The following GRM5 variants were observed in gnomAD, a reference collection of about 807,000 sequenced individuals.
The protein encoded by GRM5 is glutamate metabotropic receptor 5, also known as metabotropic glutamate receptor 5.
A neutral mutation model predicts 83.1 loss-of-function variants in GRM5; 19 were observed. The ratio of observed to expected loss-of-function variants is 0.23; its 90% CI spans 0.16 to 0.34. The LOEUF (loss-of-function observed/expected upper bound fraction) is 0.34, where lower values mean the gene tolerates loss of function less well. GRM5 is among the 10% of genes least tolerant of loss of function. The pLI is 1.00. For synonymous variants in GRM5, 675 were observed against 633.6 expected (o/e 1.07, Z -0.98); for missense variants, 1,160 against 1,588.3 (o/e 0.73, Z 4.58).
At chr11:89,009,500 C>T (rs1940622293) in intron 2 of GRM5, among the ~76,000 whole-genome samples, 1 of 152,072 alleles carries the variant, frequency 6.6e-6, no homozygotes, top group Admixed American at 6.6e-5. Flanking sequence ...CACATATTGG[C>T]CATTATATTC....
At chr11:88,770,853 C>T (rs939543534) in intron 3 of GRM5, among the ~76,000 whole-genome samples, 1 of 152,022 alleles carries the variant, frequency 6.6e-6, no homozygotes, top group African/African-American at 2.4e-5. Flanking sequence ...ATAATGTATT[C>T]GGTTTGAAAC....
intron 2 of GRM5, among the ~76,000 whole-genome samples, chr11:88,958,397 G>A (rs1938689146): frequency 1.3e-5 from 2 of 151,348 alleles, no homozygotes; most frequent in South Asian, 4.2e-4. Flanking sequence ...TCAATTTTTT[G>A]AAACATAAAA....
intron 2 of GRM5, among the ~76,000 whole-genome samples, chr11:89,032,720 C>T (rs1429601266): frequency 6.6e-6 from 1 of 151,992 alleles, no homozygotes; most frequent in Non-Finnish European, 1.5e-5. Flanking sequence ...CTCATTTCCA[C>T]AGCAAATAGT....
rs894584752 is a variant in GRM5 at position 88,754,437 on chromosome 11, A to T, written c.911+95469T>A. Among the ~76,000 whole-genome samples the T allele has an allele frequency of 5.9e-5, 9 of 152,264 alleles. No individual in the cohort carries two copies. The East Asian group carries it at 1.4e-3, about 23-fold the overall frequency. ...CCTGTACTCCTGAACTTAAAATAAA[A>T]GTTGAAGAAGAAAATTAATTATTCA... On this transcript the variant is annotated intron_variant, in intron 3 of 9. Coordinates refer to ENST00000305447, the MANE Select transcript of GRM5 (RefSeq NM_001143831.3).
chr11:88,509,828 C>T (rs1234649541), intron 9 of GRM5, among the ~76,000 whole-genome samples: 1 of 152,198 alleles, frequency 6.6e-6, no homozygotes, highest in Non-Finnish European at 1.5e-5. Context: ...AGTGCAGCAG[C>T]ACACAGATGC....
chr11:88,926,732 A>G (rs1945795471), intron 2 of GRM5, among the ~76,000 whole-genome samples: 1 of 152,084 alleles, frequency 6.6e-6, no homozygotes, highest in Admixed American at 6.6e-5. Flanking sequence ...AGAGAAATCT[A>G]TTTCTTAAAT....
intron 3 of GRM5, among the ~76,000 whole-genome samples, chr11:88,814,869 T>C (rs1180706370): frequency 6.6e-6 from 1 of 152,186 alleles, no homozygotes; most frequent in Non-Finnish European, 1.5e-5. Flanking sequence ...AAAGTGTCAA[T>C]TCATTAAGTA....
chr11:88,773,656 A>C (rs1272761146), intron 3 of GRM5, among the ~76,000 whole-genome samples: 1 of 152,192 alleles, frequency 6.6e-6, no homozygotes, highest in Non-Finnish European at 1.5e-5. Flanking sequence ...ATCCAGTTTC[A>C]GCTTTCTACA....
intron 2 of GRM5, among the ~76,000 whole-genome samples, chr11:88,934,009 A>G (rs1937808068): frequency 6.6e-6 from 1 of 151,800 alleles, no homozygotes; most frequent in Non-Finnish European, 1.5e-5. Context: ...ATCTGTCTTT[A>G]TCTTGCTGAT....
intron 2 of GRM5, among the ~76,000 whole-genome samples, chr11:88,914,253 T>C (rs1041779022): frequency 4.9e-4 from 75 of 152,150 alleles, no homozygotes; most frequent in African/African-American, 1.8e-3. Context: ...ATTTCTATCT[T>C]TGAGACATCA....
chr11:88,880,953 T>C (rs1409853588), intron 2 of GRM5, among the ~76,000 whole-genome samples: 1 of 152,068 alleles, frequency 6.6e-6, no homozygotes, highest in Non-Finnish European at 1.5e-5. Context: ...AAATAGTTAA[T>C]ATAGGTCAAG....
chr11:88,780,169 T>C (rs527374440), intron 3 of GRM5, among the ~76,000 whole-genome samples: 1 of 152,214 alleles, frequency 6.6e-6, no homozygotes. Context: ...AACAATTAAT[T>C]GTACAATCAT....
intron 3 of GRM5, among the ~76,000 whole-genome samples, chr11:88,829,426 A>T (rs1166059700): frequency 6.6e-6 from 1 of 152,178 alleles, no homozygotes; most frequent in Non-Finnish European, 1.5e-5. Flanking sequence ...GTGCTACTGC[A>T]CTCCAACCTG....
At chr11:88,628,123 CT>C (rs1458081217) in intron 4 of GRM5, among the ~76,000 whole-genome samples, 1 of 152,170 alleles carries the variant, frequency 6.6e-6, no homozygotes, top group Non-Finnish European at 1.5e-5. Flanking sequence ...CAGGATTCAA[CT>C]CAAAGACTAG....
intron 8 of GRM5, among the ~76,000 whole-genome samples, chr11:88,536,753 G>A (rs1462213804): frequency 6.6e-6 from 1 of 152,084 alleles, no homozygotes; most frequent in African/African-American, 2.4e-5. Context: ...AATATATGAG[G>A]TAGAATGCTG....
chr11:89,036,293 G>C (rs941098007), intron 2 of GRM5, among the ~76,000 whole-genome samples: 1 of 151,904 alleles, frequency 6.6e-6, no homozygotes, highest in African/African-American at 2.4e-5. Flanking sequence ...TACCTTTTTC[G>C]TGCAATTGCA....
chr11:89,019,145 C>T (rs1940924167), intron 2 of GRM5, among the ~76,000 whole-genome samples: 1 of 152,068 alleles, frequency 6.6e-6, no homozygotes, highest in African/African-American at 2.4e-5. Flanking sequence ...GAGCACGAAT[C>T]GGGTATTTTG....
In GRM5 at chr11:88,727,818, G is replaced by T. The variant is rs377473665; in HGVS notation, c.912-74415C>A. 2.6e-5 allele frequency among the ~76,000 whole-genome samples: 4 copies of T among 152,264 alleles called. No homozygotes were observed. The East Asian group carries it at 5.8e-4, about 22-fold the overall frequency. On this transcript the variant is annotated intron_variant, in intron 3 of 9. Transcript: ENST00000305447. Reference sequence around the variant, plus strand: ...ACAAAATTAAGGCAGAAATAAATAAGTTGCTTGAAACCAATGAGAACAAAG... The same window carrying T: ...ACAAAATTAAGGCAGAAATAAATAATTTGCTTGAAACCAATGAGAACAAAG...
At chr11:88,891,182 G>C (rs888304313) in intron 2 of GRM5, among the ~76,000 whole-genome samples, 3 of 152,034 alleles carry the variant, frequency 2.0e-5, no homozygotes, top group African/African-American at 7.2e-5. Context: ...TGTCTTTAGG[G>C]TGGCATTTAA....
Sources: gnomAD v4.1 joint callset for allele counts (sites outside exome capture counted in the v4.1 genomes callset) on GRCh38, gnomAD v4.1.1 for gene constraint, MANE v1.5 for transcripts, NCBI Gene and HGNC (gene_info 2026-07-23, HGNC 2026-07-21) for gene names.